Variants in SPTLC1 observed in about 807,000 individuals in gnomAD.
SPTLC1 encodes the protein serine palmitoyltransferase long chain base subunit 1, also known as serine palmitoyltransferase 1.
A neutral mutation model predicts 68.9 loss-of-function variants in SPTLC1; 55 were observed. That is an observed-to-expected ratio of 0.80 (90% CI 0.64 to 1.00). The LOEUF (loss-of-function observed/expected upper bound fraction) is 1.00, where lower values mean the gene tolerates loss of function less well. Among genes scored for constraint, SPTLC1 ranks in the 50% least tolerant of loss-of-function variants. SPTLC1 has a pLI of 0.00. For missense variants in SPTLC1, 449 were observed against 573.1 expected (o/e 0.78, Z 2.21); for synonymous variants, 197 against 201.6 (o/e 0.98, Z 0.19).
At chr9:92,041,907 G>T (rs1833362300) in intron 12 of SPTLC1, among the ~76,000 whole-genome samples, 1 of 152,106 alleles carries the variant, frequency 6.6e-6, no homozygotes, top group Non-Finnish European at 1.5e-5. Context: ...GTCTATTTAT[G>T]ATTTTAAAAA....
At position 92,108,830 on chromosome 9, in the gene SPTLC1, T is replaced by C. The variant is rs113015397; in HGVS notation, c.170A>G (p.Lys57Arg). The C allele has an allele frequency of 1.9e-6, 3 of 1,596,022 alleles. No individual in the cohort carries two copies. The highest frequency in any genetic ancestry group is 2.6e-6 in the Non-Finnish European group (3 of 1,169,094). The stretch of plus-strand genomic sequence containing the variant: ...TTGCCACTCTTCAATCAGTTCTTCT[T>C]TTTCCTACAGGAGAAAAAGAATTAA... ...QERSDLTVKEKEELIEEWQPE... is the reference protein window; with the variant it reads ...QERSDLTVKEREELIEEWQPE... The change falls in exon 3 of 15, where the codon AAA becomes AGA. Residue 57 changes from lysine (K) to arginine (R), a missense_variant. Transcript: ENST00000262554.
intron 8 of SPTLC1, among the ~76,000 whole-genome samples, chr9:92,053,670 ATATAT>A (rs1171666661): frequency 1.3e-5 from 2 of 152,242 alleles, no homozygotes; most frequent in African/African-American, 4.8e-5. Flanking sequence ...AGAAAAGGTC[ATATAT>A]TATATGATGC....
chr9:92,046,294 A>T, intron 11 of SPTLC1: 1 of 557,838 alleles, frequency 1.8e-6, no homozygotes, highest in Non-Finnish European at 3.2e-6. Context: ...TGCTTTCAAG[A>T]ACAATCAATG....
chr9:92,067,297 TCA>T (rs201733539), intron 6 of SPTLC1, among the ~76,000 whole-genome samples: 1 of 136,628 alleles, frequency 7.3e-6, no homozygotes, highest in Non-Finnish European at 1.5e-5. Context: ...AGACTCCATC[TCA>T]CACACAAAAA....
At chr9:92,078,577 G>A (rs80019565) in intron 5 of SPTLC1, among the ~76,000 whole-genome samples, 1,659 of 152,210 alleles carry the variant, frequency 0.011, 38 homozygotes, top group African/African-American at 0.038. Context: ...TCCTGCCTCC[G>A]CCACCTGTGT....
intron 6 of SPTLC1, among the ~76,000 whole-genome samples, chr9:92,060,870 G>A (rs189713515): frequency 6.4e-4 from 96 of 149,240 alleles, no homozygotes; most frequent in African/African-American, 1.3e-3. Flanking sequence ...TCAAGATGGC[G>A]CCACTGCATT....
At chr9:92,080,574 T>G (rs1010200393) in intron 4 of SPTLC1, among the ~76,000 whole-genome samples, 1 of 152,246 alleles carries the variant, frequency 6.6e-6, no homozygotes, top group Non-Finnish European at 1.5e-5. Flanking sequence ...AGTCTCGCCC[T>G]GTTGCCCAGG....
At chr9:92,093,898 T>C (rs2118755179) in intron 3 of SPTLC1, among the ~76,000 whole-genome samples, 1 of 152,274 alleles carries the variant, frequency 6.6e-6, no homozygotes, top group African/African-American at 2.4e-5. Context: ...AATGAAAGAA[T>C]CTAGAATTCA....
At chr9:92,038,666 G>A (rs1241618790) in intron 12 of SPTLC1, among the ~76,000 whole-genome samples, 1 of 152,196 alleles carries the variant, frequency 6.6e-6, no homozygotes, top group Non-Finnish European at 1.5e-5. Flanking sequence ...GCCCCACCTT[G>A]GCCTGTCATT....
rs1007821441 is a variant in SPTLC1 at position 92,112,539 on chromosome 9, C to T, written c.81G>A (p.Leu27=). 6.2e-7 allele frequency: 1 copy of T among 1,607,656 alleles called. No homozygotes were observed. The highest frequency in any genetic ancestry group is 1.1e-5 in the South Asian group (1 of 91,048). The change falls in exon 2 of 15, where the codon TTG becomes TTA. Residue 27 remains leucine, a synonymous_variant. Transcript: ENST00000262554. ...LYEAPAYHLI[L]EGILILWIIR... is the part of the protein sequence containing the mutation. ...TTATCCAGAGGATCAGAATCCCTTC[C>T]AAAATAAGATGGTAAGCAGGAGCCT...
At chr9:92,050,974 A>T in intron 8 of SPTLC1, 1 of 984,882 alleles carries the variant, frequency 1.0e-6, no homozygotes, top group Non-Finnish European at 1.2e-6. Context: ...CACCATGCCC[A>T]GCTTCAGTGC....
In SPTLC1 at chr9:92,047,187, T is replaced by C. The variant is rs369506636; in HGVS notation, c.1066A>G (p.Met356Val). Reference protein sequence around the residue: ...AAAAIEALNIMEENPGIFAVL... With the variant: ...AAAAIEALNIVEENPGIFAVL... ...AGGGTTATACCTGGATTCTCTTCCA[T>C]GATGTTGAGGGCCTCAATTGCTGCA... Residue 356 changes from methionine to valine, a missense_variant, in exon 11 of 15, where the codon ATG becomes GTG. By Grantham distance (21) the Met-to-Val change is conservative. Around this residue, in one of 3 missense-constraint regions of SPTLC1, gnomAD observed 391 missense variants for 472.1 expected, o/e 0.83. Coordinates refer to ENST00000262554, the MANE Select transcript of SPTLC1 (RefSeq NM_006415.4). 2.5e-6 allele frequency: 4 copies of C among 1,613,878 alleles called. No individual in the cohort carries two copies. Among genetic ancestry groups the C allele is most frequent in the African/African-American group, 1.3e-5 (1 of 75,034 alleles).
At chr9:92,086,609 T>G (rs911446265) in intron 3 of SPTLC1, among the ~76,000 whole-genome samples, 2 of 152,256 alleles carry the variant, frequency 1.3e-5, no homozygotes, top group Admixed American at 6.5e-5. Context: ...TGCTGAGAGA[T>G]CAGCTGTTAG....
Position 92,068,078 on chromosome 9 carries a change from C to T in SPTLC1, c.448G>A (p.Asp150Asn). The T allele has an allele frequency of 6.2e-7, 1 of 1,613,928 alleles. No individual in the cohort carries two copies. The highest frequency in any genetic ancestry group is 8.5e-7 in the Non-Finnish European group (1 of 1,179,964). ...GTCTTCATAAATTTTGCCAGGCGGTCTTCCAAATCCAAATGAACATCTATT... is the reference window on the plus strand; with the variant it reads ...GTCTTCATAAATTTTGCCAGGCGGTTTTCCAAATCCAAATGAACATCTATT... ...GTFDVHLDLE[D>N]RLAKFMKTEE... Residue 150 changes from aspartate to asparagine, a missense_variant, in exon 6 of 15, where the codon GAC becomes AAC. Transcript: ENST00000262554.
chr9:92,095,779 A>G (rs564620940), intron 3 of SPTLC1, among the ~76,000 whole-genome samples: 5 of 152,220 alleles, frequency 3.3e-5, no homozygotes, highest in Non-Finnish European at 5.9e-5. Context: ...GTTGTATTTG[A>G]TAAGTCAAAG....
chr9:92,100,379 C>G (rs1835703789), intron 3 of SPTLC1, among the ~76,000 whole-genome samples: 2 of 152,226 alleles, frequency 1.3e-5, no homozygotes, highest in Admixed American at 1.3e-4. Flanking sequence ...CTAGTGGTCA[C>G]TGCCTCCTTC....
At chr9:92,056,978 T>A (rs1833914914) in intron 7 of SPTLC1, among the ~76,000 whole-genome samples, 1 of 152,222 alleles carries the variant, frequency 6.6e-6, no homozygotes, top group African/African-American at 2.4e-5. Flanking sequence ...GAAAAACATT[T>A]TCTTAGATTT....
intron 12 of SPTLC1, among the ~76,000 whole-genome samples, 191 bp downstream of exon 12, chr9:92,045,808 A>G (rs564427415): frequency 6.6e-6 from 1 of 152,316 alleles, no homozygotes; most frequent in South Asian, 2.1e-4. Context: ...TTTTCAGAAA[A>G]ACAAAGTCAC....
At chr9:92,062,558 C>T (rs1191911588) in intron 6 of SPTLC1, among the ~76,000 whole-genome samples, 1 of 152,022 alleles carries the variant, frequency 6.6e-6, no homozygotes, top group African/African-American at 2.4e-5. Flanking sequence ...TTTTTAAGTG[C>T]CCATATAAGA....
Sources: gnomAD v4.1 joint callset for allele counts (sites outside exome capture counted in the v4.1 genomes callset) on GRCh38, gnomAD v4.1.1 for gene constraint, gnomAD v4.1.1 regional missense constraint, MANE v1.5 for transcripts, NCBI Gene and HGNC (gene_info 2026-07-23, HGNC 2026-07-21) for gene names.